CYP7A1: variants seen among roughly 807,000 people sequenced by gnomAD.
The protein encoded by CYP7A1 is cytochrome P450 family 7 subfamily A member 1, also known as cytochrome P450 7A1.
A neutral mutation model predicts 43.8 loss-of-function variants in CYP7A1; 28 were observed. That is an observed-to-expected ratio of 0.64 (90% confidence interval 0.47 to 0.88). The LOEUF is 0.88. CYP7A1 is among the 40% of genes least tolerant of loss of function. The pLI is 0.00. For missense variants in CYP7A1, 637 were observed against 611.9 expected, an observed-to-expected ratio of 1.04 and a Z score of -0.43; for synonymous variants, 227 against 222.5, an observed-to-expected ratio of 1.02 and a Z score of -0.18.
At chr8:58,498,607 C>G in intron 1 of CYP7A1, 138 bp from the exon 2 acceptor site, 1 of 876,252 alleles carries the variant, frequency 1.1e-6, no homozygotes. Flanking sequence ...TTGGATGGGC[C>G]CTGCTCTTTT....
At chr8:58,495,644 A>T (rs979490571) in intron 3 of CYP7A1, among the ~76,000 whole-genome samples, 3 of 152,374 alleles carry the variant, frequency 2.0e-5, no homozygotes, top group African/African-American at 7.2e-5. Context: ...TTGTAAGACT[A>T]TCATAAAATA....
chr8:58,491,667 A>G lies in CYP7A1; in HGVS notation c.1323T>C (p.Ala441=). ...CGAACAATCTTCCAGGACATATTGT[A>G]GCTCCCGATCCAAAGGGCATGTAGT... The part of the protein sequence containing the change: ...KYYYMPFGSG[A]TICPGRLFAI... Residue 441 remains alanine (A), a synonymous_variant, in exon 6 of 6, where the codon GCT becomes GCC. Transcript: ENST00000301645. 1 of 1,614,170 alleles carries G rather than the reference A, an allele frequency of 6.2e-7. No individual in the cohort carries two copies. Among genetic ancestry groups the G allele is most frequent in the Non-Finnish European group, 8.5e-7 (1 of 1,180,002 alleles).
intron 2 of CYP7A1, among the ~76,000 whole-genome samples, 179 bp from the exon 3 acceptor site, chr8:58,497,369 A>G (rs1374728338): frequency 6.6e-6 from 1 of 152,214 alleles, no homozygotes; most frequent in Non-Finnish European, 1.5e-5. Flanking sequence ...CCTTTCCTTT[A>G]AAGCCAACTT....
At chr8:58,499,960 A>C in intron 1 of CYP7A1, 59 bp downstream of exon 1, 1 of 1,362,946 alleles carries the variant, frequency 7.3e-7, no homozygotes, top group Non-Finnish European at 1.0e-6. Context: ...TATAAAAATG[A>C]AGGTAAAAAA....
At chr8:58,495,541 T>C (rs1008139407) in intron 3 of CYP7A1, among the ~76,000 whole-genome samples, 6 of 152,314 alleles carry the variant, frequency 3.9e-5, no homozygotes, top group South Asian at 4.1e-4. Context: ...TCAGGGCTTT[T>C]ATAAATAAGT....
chr8:58,498,533 G>A lies in CYP7A1; in HGVS notation c.81-64C>T, dbSNP rs762196592. 600 of 1,597,090 alleles carry A rather than the reference G, an allele frequency of 3.8e-4. 1 individual carries two copies. Among genetic ancestry groups the A allele is most frequent in the Middle Eastern group, 1.2e-3 (7 of 6,036 alleles). ...AGTTTTGGGTTTTTACTTACATCAG[G>A]TTTTAAAATTTTTCCCACTGACTTC... On this transcript the variant is annotated intron_variant, in intron 1 of 5. Transcript: ENST00000301645.
intron 2 of CYP7A1, among the ~76,000 whole-genome samples, 161 bp from the exon 3 acceptor site, chr8:58,497,351 A>G (rs906816437): frequency 3.3e-5 from 5 of 152,220 alleles, no homozygotes; most frequent in African/African-American, 1.2e-4. Context: ...ATAAATGACC[A>G]AACTGTACCT....
At position 58,496,733 on chromosome 8, in the gene CYP7A1, C is replaced by G; in HGVS notation, c.779G>C (p.Arg260Pro). 6.2e-7 allele frequency: 1 copy of G among 1,614,162 alleles called. No individual in the cohort carries two copies. The highest frequency in any genetic ancestry group is 8.5e-7 in the Non-Finnish European group (1 of 1,180,018). The change falls in exon 3 of 6, where the codon CGC (arginine) becomes CCC (proline). Residue 260 changes from arginine (R) to proline (P), a missense_variant. By Grantham distance (103) the Arg-to-Pro change is moderately radical. Coordinates refer to ENST00000301645, the MANE Select transcript of CYP7A1 (RefSeq NM_000780.4). ...RESISELISL[R>P]MFLNDTLSTF... ...GGACAAAGTGTCATTGAGAAACATGCGCAGGCTGATCAGTTCTGAGATGCT... is the reference window on the plus strand; with the variant it reads ...GGACAAAGTGTCATTGAGAAACATGGGCAGGCTGATCAGTTCTGAGATGCT...
At chr8:58,492,629 T>C in intron 4 of CYP7A1, 101 bp from the exon 5 acceptor site, 1 of 936,594 alleles carries the variant, frequency 1.1e-6, no homozygotes, top group Non-Finnish European at 1.7e-6. Flanking sequence ...ATATAGAGTC[T>C]GAACTACAGA....
In CYP7A1 at chr8:58,491,205, C is replaced by A; in HGVS notation, c.*270G>T. On this transcript the variant is annotated 3_prime_UTR_variant, in exon 6 of 6. Transcript: ENST00000301645. ...TCCTTTGAAAATAATAAACTTCAATCCCTGGCTATATGAACATTCATGGAC... is the reference window on the plus strand; with the variant it reads ...TCCTTTGAAAATAATAAACTTCAATACCTGGCTATATGAACATTCATGGAC... The A allele has an allele frequency of 7.1e-6, 3 of 422,466 alleles. No homozygotes were observed. Among genetic ancestry groups the A allele is most frequent in the Non-Finnish European group, 8.4e-6 (2 of 236,832 alleles). 26.2% of individuals were successfully genotyped at this position (422,466 alleles called of 1,614,324 possible). A position where few individuals can be genotyped will look rare whatever the true frequency, so the allele number is the denominator to read the frequency against.
intron 3 of CYP7A1, among the ~76,000 whole-genome samples, 183 bp from the exon 4 acceptor site, chr8:58,494,819 T>A (rs1809413088): frequency 1.3e-5 from 2 of 152,198 alleles, no homozygotes; most frequent in Admixed American, 1.3e-4. Context: ...TGTCCTTGGA[T>A]ATTAGTAAGA....
chr8:58,498,107 A>G (rs1221536325), intron 2 of CYP7A1, 122 bp downstream of exon 2: 10 of 1,096,940 alleles, frequency 9.1e-6, no homozygotes, highest in Admixed American at 4.4e-5. Flanking sequence ...GAATCTCCAC[A>G]TAAGGATAAC....
At position 58,500,135 on chromosome 8, in the gene CYP7A1, T is replaced by A. The variant is rs1412133620; in HGVS notation, c.-37A>T. ...AGGCCAAAATCTCTGAGGAAGAAAATCTCTGATTAGAAAGGGAAGGATGCC... is the reference window on the plus strand; with the variant it reads ...AGGCCAAAATCTCTGAGGAAGAAAAACTCTGATTAGAAAGGGAAGGATGCC... On this transcript the variant is annotated 5_prime_UTR_variant, in exon 1 of 6. Transcript: ENST00000301645. 1 of 1,535,398 alleles carries A rather than the reference T, an allele frequency of 6.5e-7. No homozygotes were observed. Among genetic ancestry groups the A allele is most frequent in the South Asian group, 1.1e-5 (1 of 89,476 alleles).
In CYP7A1 at chr8:58,492,390, A is replaced by T; in HGVS notation, c.1178T>A (p.Leu393Ter). The T allele has an allele frequency of 6.2e-7, 1 of 1,614,128 alleles. No individual in the cohort carries two copies. Among genetic ancestry groups the T allele is most frequent in the East Asian group, 2.2e-5 (1 of 44,872 alleles). Residue 393 changes from leucine to a stop codon, truncating the protein, a stop_gained, in exon 5 of 6, where the codon TTA (leucine) becomes TAA (stop). Transcript: ENST00000301645. LOFTEE classifies it high-confidence loss of function. Reference protein sequence around the residue: ...KDDIIALYPQLMHLDPEIYPD... With the variant: ...KDDIIALYPQ ...GTAGATTTCTGGATCTAAGTGCATTAACTGTGGGTAAAGAGCTATGATGTC... is the reference window on the plus strand; with the variant it reads ...GTAGATTTCTGGATCTAAGTGCATTTACTGTGGGTAAAGAGCTATGATGTC...
At chr8:58,494,456 TA>T (rs762206399) in intron 4 of CYP7A1, 49 bp downstream of exon 4, 7 of 1,588,146 alleles carry the variant, frequency 4.4e-6, no homozygotes. Context: ...TCATTATTGT[TA>T]AAGTAGTAGG....
intron 4 of CYP7A1, among the ~76,000 whole-genome samples, chr8:58,493,411 G>A (rs1427679921): frequency 1.3e-5 from 2 of 152,138 alleles, no homozygotes; most frequent in African/African-American, 4.8e-5. Context: ...CCCGGTAAAG[G>A]CATAAAGGGA....
At chr8:58,494,048 T>A (rs1045460403) in intron 4 of CYP7A1, among the ~76,000 whole-genome samples, 1 of 152,138 alleles carries the variant, frequency 6.6e-6, no homozygotes, top group Non-Finnish European at 1.5e-5. Flanking sequence ...TATAGTTCCA[T>A]AAAATATAGA....
intron 3 of CYP7A1, among the ~76,000 whole-genome samples, chr8:58,495,862 C>T (rs1809435497): frequency 6.6e-6 from 1 of 152,118 alleles, no homozygotes; most frequent in Admixed American, 6.5e-5. Context: ...ATTTGGCATT[C>T]CCAATCCTAT....
Position 58,498,281 on chromosome 8 carries a change from CACA to C in CYP7A1, c.266_268del (p.Leu89del). The C allele has an allele frequency of 6.2e-7, 1 of 1,614,134 alleles. No homozygotes were observed. ...TTTCCAATCAAAATATTTTCCGTGG[CACA>C]ACACCTTATGGTATGACAAGGGATT... On this transcript the variant is annotated inframe_deletion, in exon 2 of 6. Coordinates refer to ENST00000301645, the MANE Select transcript of CYP7A1 (RefSeq NM_000780.4).
Sources: allele counts gnomAD v4.1 joint callset (sites outside exome capture counted in the v4.1 genomes callset), GRCh38; gene constraint gnomAD v4.1.1; transcripts MANE v1.5; gene names NCBI Gene and HGNC (gene_info 2026-07-23, HGNC 2026-07-21).